Variants in RAPGEF4 observed in about 807,000 individuals in gnomAD.
The protein encoded by RAPGEF4 is Rap guanine nucleotide exchange factor 4, also known as RAP guanine-nucleotide-exchange factor (GEF) 4.
RAPGEF4 carries 66 observed loss-of-function variants against 147.9 expected under a neutral mutation model. The ratio of observed to expected loss-of-function variants is 0.45; its 90% CI spans 0.37 to 0.55. The LOEUF is 0.55. RAPGEF4 is among the 20% of genes least tolerant of loss of function. The pLI is 0.00. For missense variants in RAPGEF4, 1,071 were observed against 1,257.3 expected (o/e 0.85, Z 2.24); for synonymous variants, 419 against 442.7 (o/e 0.95, Z 0.67).
chr2:172,848,286 A>G (rs898669473), intron 4 of RAPGEF4, among the ~76,000 whole-genome samples: 7 of 152,084 alleles, frequency 4.6e-5, no homozygotes, highest in Non-Finnish European at 5.9e-5. Context: ...CAAGGTATAC[A>G]TTCTTCCCCC....
intron 4 of RAPGEF4, among the ~76,000 whole-genome samples, chr2:172,857,174 G>GCGCACACA (rs1491278756): frequency 1.3e-5 from 2 of 150,158 alleles, no homozygotes; most frequent in African/African-American, 4.9e-5. Context: ...GTGTGCGCGC[G>GCGCACACA]CACACACACA....
intron 8 of RAPGEF4, among the ~76,000 whole-genome samples, chr2:172,964,006 G>A (rs1403198416): frequency 6.6e-6 from 1 of 152,114 alleles, no homozygotes; most frequent in Non-Finnish European, 1.5e-5. Context: ...CAGACGCTCT[G>A]GGATCATCTC....
intron 1 of RAPGEF4, among the ~76,000 whole-genome samples, chr2:172,772,657 A>T (rs971596737): frequency 6.6e-6 from 1 of 152,220 alleles, no homozygotes; most frequent in African/African-American, 2.4e-5. Flanking sequence ...ACATTATTTT[A>T]AAATGAAATG....
intron 4 of RAPGEF4, among the ~76,000 whole-genome samples, chr2:172,823,235 G>T (rs1014035577): frequency 1.3e-5 from 2 of 152,196 alleles, no homozygotes; most frequent in Non-Finnish European, 2.9e-5. Flanking sequence ...TAGCATTTGA[G>T]GCAGCCTTGT....
chr2:173,037,771 T>A (rs1684239058), intron 29 of RAPGEF4, among the ~76,000 whole-genome samples: 1 of 152,182 alleles, frequency 6.6e-6, no homozygotes, highest in African/African-American at 2.4e-5. Flanking sequence ...TTCATCACTT[T>A]ATACTTGTCC....
intron 4 of RAPGEF4, among the ~76,000 whole-genome samples, chr2:172,823,047 A>G (rs1223518405): frequency 6.6e-6 from 1 of 152,236 alleles, no homozygotes; most frequent in Non-Finnish European, 1.5e-5. Context: ...GACAAACTGA[A>G]AAAATACTCT....
rs1686320587 is a variant in RAPGEF4 at position 173,052,247 on chromosome 2, G to A, written c.*480G>A. On this transcript the variant is annotated 3_prime_UTR_variant, in exon 31 of 31. Transcript: ENST00000397081. The stretch of plus-strand genomic sequence containing the variant: ...GAATCTATAGAAGTCCAAATTATAG[G>A]TTGTATTCTTCCATCTTCATTGTCT... 6.5e-6 allele frequency: 1 copy of A among 153,184 alleles called. No homozygotes were observed. The highest frequency in any genetic ancestry group is 2.1e-4 in the South Asian group (1 of 4,860). 9.5% of individuals were successfully genotyped at this position (153,184 alleles called of 1,614,324 possible). A position where few individuals can be genotyped will look rare whatever the true frequency, so the allele number is the denominator to read the frequency against.
intron 16 of RAPGEF4, among the ~76,000 whole-genome samples, chr2:172,997,612 G>GTA (rs1268562257): frequency 6.6e-6 from 1 of 151,800 alleles, no homozygotes; most frequent in African/African-American, 2.4e-5. Flanking sequence ...TTACCATCTT[G>GTA]TATATGACTT....
At chr2:172,859,522 G>A (rs1329217051) in intron 4 of RAPGEF4, among the ~76,000 whole-genome samples, 2 of 152,178 alleles carry the variant, frequency 1.3e-5, no homozygotes, top group Non-Finnish European at 2.9e-5. Flanking sequence ...GGTTAATAAT[G>A]ATTTGTTTGA....
chr2:172,769,271 A>T (rs1287331980), intron 1 of RAPGEF4, among the ~76,000 whole-genome samples: 1 of 152,216 alleles, frequency 6.6e-6, no homozygotes, highest in East Asian at 1.9e-4. Flanking sequence ...CACGAAAAGT[A>T]TGAAACTCAA....
chr2:172,959,344 G>T (rs1460539865), intron 6 of RAPGEF4, among the ~76,000 whole-genome samples: 1 of 152,152 alleles, frequency 6.6e-6, no homozygotes, highest in Non-Finnish European at 1.5e-5. Context: ...AGCCAGTTCT[G>T]ACTTCTCTGC....
chr2:173,018,261 A>G (rs758637832), intron 21 of RAPGEF4, among the ~76,000 whole-genome samples: 1 of 152,224 alleles, frequency 6.6e-6, no homozygotes, highest in Non-Finnish European at 1.5e-5. Flanking sequence ...GCCCAGGCGG[A>G]AGCCCTCCTG....
intron 17 of RAPGEF4, among the ~76,000 whole-genome samples, chr2:173,007,799 C>T (rs1216577008): frequency 6.6e-6 from 1 of 152,152 alleles, no homozygotes; most frequent in African/African-American, 2.4e-5. Context: ...GAATGTCAGG[C>T]TGCTCCACAA....
chr2:172,821,985 G>A (rs1303564419), intron 4 of RAPGEF4: 1 of 1,612,996 alleles, frequency 6.2e-7, no homozygotes, highest in Non-Finnish European at 8.5e-7. Flanking sequence ...AGGTCAGAAT[G>A]AATCTTTTTA....
intron 2 of RAPGEF4, among the ~76,000 whole-genome samples, chr2:172,796,046 T>A (rs1383964139): frequency 1.3e-5 from 2 of 152,218 alleles, no homozygotes; most frequent in Non-Finnish European, 2.9e-5. Flanking sequence ...ATCACATGCC[T>A]AAGTCTAAAC....
chr2:172,895,001 A>C (rs1222372216), intron 4 of RAPGEF4, among the ~76,000 whole-genome samples: 2 of 151,786 alleles, frequency 1.3e-5, no homozygotes, highest in Admixed American at 1.3e-4. Flanking sequence ...CAAGCAGAAG[A>C]ACTGATTTTT....
At chr2:172,871,380 T>G (rs1639115829) in intron 4 of RAPGEF4, among the ~76,000 whole-genome samples, 1 of 152,158 alleles carries the variant, frequency 6.6e-6, no homozygotes, top group African/African-American at 2.4e-5. Flanking sequence ...TATGTGACAA[T>G]CATAGGAGAT....
chr2:172,921,731 G>A (rs1684783395), intron 5 of RAPGEF4, among the ~76,000 whole-genome samples: 1 of 152,202 alleles, frequency 6.6e-6, no homozygotes, highest in Non-Finnish European at 1.5e-5. Context: ...TTCTAGCTCG[G>A]AACACTGAGA....
chr2:172,968,366 C>G (rs926626331), intron 10 of RAPGEF4, among the ~76,000 whole-genome samples: 3 of 152,170 alleles, frequency 2.0e-5, no homozygotes, highest in Non-Finnish European at 4.4e-5. Context: ...TGTTACATGT[C>G]CTGGATGTCT....
Sources: gnomAD v4.1 joint callset for allele counts (sites outside exome capture counted in the v4.1 genomes callset) on GRCh38, gnomAD v4.1.1 for gene constraint, MANE v1.5 for transcripts, NCBI Gene and HGNC (gene_info 2026-07-23, HGNC 2026-07-21) for gene names.